DLC1: variants seen among roughly 807,000 people sequenced by gnomAD.
DLC1 encodes the protein DLC1 Rho GTPase activating protein.
DLC1 carries 54 observed loss-of-function variants against 140.3 expected under a neutral mutation model. The observed-to-expected ratio is 0.38, with a 90% CI of 0.31 to 0.48. The LOEUF is 0.48. DLC1 is among the 20% of genes least tolerant of loss of function. The pLI, the probability that DLC1 is intolerant of heterozygous loss-of-function variation, is 0.96. For synonymous variants in DLC1, 986 were observed against 728.1 expected, an observed-to-expected ratio of 1.35 and a Z score of -5.70; for missense variants, 2,536 against 1,907.0, an observed-to-expected ratio of 1.33 and a Z score of -6.14.
chr8:13,148,627 C>A (rs926993488), intron 5 of DLC1, among the ~76,000 whole-genome samples: 18 of 151,990 alleles, frequency 1.2e-4, no homozygotes, highest in African/African-American at 4.1e-4. Context: ...GGCATTTCCT[C>A]CTTGGTAACA....
In DLC1 at chr8:13,295,942, G is replaced by GTTTTTTTT. The variant is rs71207138; in HGVS notation, c.1348+9319_1348+9326dup. ...AAGAGATGATCAGATAAGATTCTTTGTTTTTTTTTTTTTTTTTTTTTTTTT... is the reference window on the plus strand; with the variant it reads ...AAGAGATGATCAGATAAGATTCTTTGTTTTTTTTTTTTTTTTTTTTTTTTTTTTTTTTT... On this transcript the variant is annotated intron_variant, in intron 5 of 17. Coordinates refer to ENST00000276297, the MANE Select transcript of DLC1 (RefSeq NM_182643.3). Among the ~76,000 whole-genome samples, 48 of 72,898 alleles carry GTTTTTTTT rather than the reference G, an allele frequency of 6.6e-4. 3 individuals carry two copies. The highest frequency in any genetic ancestry group is 9.0e-4 in the Non-Finnish European group (37 of 41,084). 47.8% of individuals were successfully genotyped at this position (72,898 alleles called of 152,430 possible).
At chr8:13,481,311 T>C (rs1184423672) in intron 2 of DLC1, among the ~76,000 whole-genome samples, 1 of 152,044 alleles carries the variant, frequency 6.6e-6, no homozygotes, top group African/African-American at 2.4e-5. Flanking sequence ...CCTGTAGTTT[T>C]AGCTACTTGA....
At position 13,189,023 on chromosome 8, in the gene DLC1, A is replaced by G. The variant is rs183652663; in HGVS notation, c.1349-73366T>C. On this transcript the variant is annotated intron_variant, in intron 5 of 17. Transcript: ENST00000276297. ...TATTTTTAAACAAATAAAAATCCCT[A>G]TGGACCAAGCCTTTTCTCAAACAAT... Among the ~76,000 whole-genome samples, 232 of 151,488 alleles carry G rather than the reference A, an allele frequency of 1.5e-3. 1 individual carries two copies. Among genetic ancestry groups the G allele is most frequent in the Admixed American group, 0.01 (158 of 15,184 alleles).
At chr8:13,219,931 A>T (rs1446377632) in intron 5 of DLC1, among the ~76,000 whole-genome samples, 1 of 152,220 alleles carries the variant, frequency 6.6e-6, no homozygotes, top group African/African-American at 2.4e-5. Context: ...AGAAGGCTAC[A>T]TACTGTCTTA....
chr8:13,501,065 A>G (rs1801789793), intron 1 of DLC1, among the ~76,000 whole-genome samples: 1 of 152,232 alleles, frequency 6.6e-6, no homozygotes, highest in African/African-American at 2.4e-5. Flanking sequence ...TAACTTTAGT[A>G]TGTGTAAACT....
At chr8:13,568,119 A>T (rs1385742974) in intron 1 of DLC1, 4 of 752,446 alleles carry the variant, frequency 5.3e-6, no homozygotes, top group Non-Finnish European at 8.2e-6. Context: ...GAATAGTTAT[A>T]AAAACTTTTA....
At chr8:13,574,237 G>A (rs1804761365) in intron 1 of DLC1, among the ~76,000 whole-genome samples, 1 of 151,998 alleles carries the variant, frequency 6.6e-6, no homozygotes, top group Non-Finnish European at 1.5e-5. Flanking sequence ...ATCCTTCCAG[G>A]AAGTATGCAT....
At chr8:13,394,865 G>T (rs1452282329) in intron 3 of DLC1, among the ~76,000 whole-genome samples, 1 of 151,922 alleles carries the variant, frequency 6.6e-6, no homozygotes, top group African/African-American at 2.4e-5. Flanking sequence ...GCCCCTTCTT[G>T]TCACTCTGTT....
intron 2 of DLC1, among the ~76,000 whole-genome samples, chr8:13,428,764 G>C (rs745667174): frequency 6.6e-6 from 1 of 152,122 alleles, no homozygotes; most frequent in Non-Finnish European, 1.5e-5. Context: ...GGAACTACAT[G>C]CTTGCTGTGA....
rs138195863 is a variant in DLC1 at position 13,412,698 on chromosome 8, C to G, written c.1024-11079G>C. Among the ~76,000 whole-genome samples, 281 of 151,944 alleles carry G rather than the reference C, an allele frequency of 1.8e-3. 17 individuals carry two copies. The East Asian group carries it at 0.052, about 28-fold the overall frequency. On this transcript the variant is annotated intron_variant, in intron 2 of 17. Coordinates refer to ENST00000276297, the MANE Select transcript of DLC1 (RefSeq NM_182643.3). ...CCTGTAATCCCAGCACTTTGGGAGG[C>G]CGAGGTGGGCGAATCACGAGGTCAG...
chr8:13,424,823 T>A (rs777633532), intron 2 of DLC1, among the ~76,000 whole-genome samples: 51 of 152,078 alleles, frequency 3.4e-4, no homozygotes, highest in Non-Finnish European at 1.2e-4. Context: ...TCTGCCTGCC[T>A]CGGCCTCCCA....
At chr8:13,301,660 T>A (rs906082216) in intron 5 of DLC1, among the ~76,000 whole-genome samples, 8 of 152,068 alleles carry the variant, frequency 5.3e-5, no homozygotes, top group Non-Finnish European at 1.2e-4. Context: ...AGAGCAGGGA[T>A]CCCCAACCCC....
At position 13,453,402 on chromosome 8, in the gene DLC1, GTGTA is replaced by G. The variant is rs1231674188; in HGVS notation, c.1023+45643_1023+45646del. ...GATGGCCCAGGATATATATATATAT[GTGTA>G]TATATATATATATATATGTGTATAT... On this transcript the variant is annotated intron_variant, in intron 2 of 17. Coordinates refer to ENST00000276297, the MANE Select transcript of DLC1 (RefSeq NM_182643.3). 8.2e-4 allele frequency among the ~76,000 whole-genome samples: 17 copies of G among 20,808 alleles called. 2 individuals carry two copies. The highest frequency in any genetic ancestry group is 2.7e-3 in the African/African-American group (13 of 4,792). The allele number at this position is 20,808 out of a possible 152,430, so 13.7% of individuals were successfully genotyped here.
chr8:13,359,201 T>G (rs1671428), intron 4 of DLC1, among the ~76,000 whole-genome samples: 74,472 of 152,078 alleles, frequency 0.49, 19,330 homozygotes, highest in East Asian at 0.81. Flanking sequence ...GCCTCCCAAA[T>G]TGCTGGGATT....
intron 2 of DLC1, among the ~76,000 whole-genome samples, chr8:13,430,300 G>C (rs1480941875): frequency 6.6e-6 from 1 of 152,108 alleles, no homozygotes; most frequent in Non-Finnish European, 1.5e-5. Flanking sequence ...AGTGGCCTTT[G>C]AGAAACAAAG....
chr8:13,149,989 T>C lies in DLC1; in HGVS notation c.1349-34332A>G, dbSNP rs543851111. Among the ~76,000 whole-genome samples the C allele has an allele frequency of 7.2e-5, 11 of 152,362 alleles. No homozygotes were observed. The East Asian group carries it at 1.9e-3, about 27-fold the overall frequency. On this transcript the variant is annotated intron_variant, in intron 5 of 17. Coordinates refer to ENST00000276297, the MANE Select transcript of DLC1 (RefSeq NM_182643.3). ...AGGAAATAATAGGCGTTTCTCAAGA[T>C]CTGTCAGCTCTGGGCCAGTATTACA...
intron 5 of DLC1, among the ~76,000 whole-genome samples, chr8:13,278,460 G>A (rs931647385): frequency 1.3e-5 from 2 of 152,112 alleles, no homozygotes; most frequent in African/African-American, 2.4e-5. Flanking sequence ...CGGAACTTTA[G>A]GATGAATAAG....
In DLC1 at chr8:13,099,750, G is replaced by A. The variant is rs1390585531; in HGVS notation, c.2587C>T (p.Leu863=). 1 of 1,614,058 alleles carries A rather than the reference G, an allele frequency of 6.2e-7. No individual in the cohort carries two copies. The highest frequency in any genetic ancestry group is 8.5e-7 in the Non-Finnish European group (1 of 1,180,042). Residue 863 remains leucine (L), a synonymous_variant, in exon 9 of 18, where the codon CTG becomes TTG. Coordinates refer to ENST00000276297, the MANE Select transcript of DLC1 (RefSeq NM_182643.3). ...GAGCTGGAAGAATTGCGTCTCTTCAGTTCCTTGGGGCTGTCGCTACTGTTT... is the reference window on the plus strand; with the variant it reads ...GAGCTGGAAGAATTGCGTCTCTTCAATTCCTTGGGGCTGTCGCTACTGTTT... The part of the protein sequence containing the change: ...RENSSDSPKE[L]KRRNSSSSMS...
At chr8:13,172,731 C>G (rs10091972) in intron 5 of DLC1, among the ~76,000 whole-genome samples, 5,324 of 152,236 alleles carry the variant, frequency 0.035, 311 homozygotes, top group African/African-American at 0.12. Context: ...AATGGAAGTT[C>G]GATTCCTCAG....
Sources: allele counts gnomAD v4.1 joint callset (sites outside exome capture counted in the v4.1 genomes callset), GRCh38; gene constraint gnomAD v4.1.1; transcripts MANE v1.5; gene names NCBI Gene and HGNC (gene_info 2026-07-23, HGNC 2026-07-21).